Variants in DNM3 observed in about 807,000 individuals in gnomAD.
The protein encoded by DNM3 is dynamin-3.
A neutral mutation model predicts 101.6 loss-of-function variants in DNM3; 47 were observed. The ratio of observed to expected loss-of-function variants is 0.46; its 90% CI spans 0.37 to 0.59. The LOEUF (loss-of-function observed/expected upper bound fraction) is 0.59, where lower values mean the gene tolerates loss of function less well. Among genes scored for constraint, DNM3 ranks in the 20% least tolerant of loss-of-function variants. The pLI, the probability that DNM3 is intolerant of heterozygous loss-of-function variation, is 0.00. For missense variants in DNM3, 849 were observed against 1,085.7 expected (o/e 0.78, Z 3.06); for synonymous variants, 385 against 387.9 (o/e 0.99, Z 0.09).
chr1:172,062,824 A>G (rs2051346682), intron 10 of DNM3, among the ~76,000 whole-genome samples: 1 of 152,176 alleles, frequency 6.6e-6, no homozygotes, highest in African/African-American at 2.4e-5. Flanking sequence ...ACCTTTGTAA[A>G]TGTTTCTACA....
chr1:172,122,851 A>G (rs547730613), intron 13 of DNM3, among the ~76,000 whole-genome samples: 3 of 152,276 alleles, frequency 2.0e-5, no homozygotes, highest in Admixed American at 2.0e-4. Context: ...ACAAACATGG[A>G]TTTGTCAGTT....
intron 16 of DNM3, among the ~76,000 whole-genome samples, chr1:172,318,860 C>A (rs2065540232): frequency 6.6e-6 from 1 of 152,288 alleles, no homozygotes; most frequent in South Asian, 2.1e-4. Context: ...CTACCAATGA[C>A]TTTCTTCACA....
chr1:171,988,132 G>A (rs1415740414), intron 3 of DNM3, among the ~76,000 whole-genome samples: 1 of 152,050 alleles, frequency 6.6e-6, no homozygotes, highest in East Asian at 1.9e-4. Context: ...TACTATGGTT[G>A]CATCTTCCCC....
chr1:172,369,155 A>C (rs939388881), intron 17 of DNM3, among the ~76,000 whole-genome samples: 2 of 151,804 alleles, frequency 1.3e-5, no homozygotes, highest in African/African-American at 4.8e-5. Flanking sequence ...GCCAAACCAG[A>C]GAAGGATGCA....
At chr1:171,899,308 C>T (rs934411990) in intron 1 of DNM3, among the ~76,000 whole-genome samples, 6 of 152,200 alleles carry the variant, frequency 3.9e-5, no homozygotes, top group Non-Finnish European at 8.8e-5. Context: ...GAGATTTTTG[C>T]TAGTGTGCCA....
chr1:172,174,628 C>T (rs1286396153), intron 14 of DNM3, among the ~76,000 whole-genome samples: 2 of 151,574 alleles, frequency 1.3e-5, no homozygotes, highest in Admixed American at 1.3e-4. Flanking sequence ...TCTTTAATAT[C>T]ACTTGTTAAT....
At chr1:172,117,545 A>C (rs2056005105) in intron 13 of DNM3, among the ~76,000 whole-genome samples, 1 of 152,150 alleles carries the variant, frequency 6.6e-6, no homozygotes, top group African/African-American at 2.4e-5. Flanking sequence ...CCGTGTAAGA[A>C]GTGCCTTTCA....
At chr1:172,375,853 A>AG (rs1465129471) in intron 17 of DNM3, among the ~76,000 whole-genome samples, 87 of 151,456 alleles carry the variant, frequency 5.7e-4, no homozygotes, top group African/African-American at 2.0e-3. Flanking sequence ...TAAAAAAAAA[A>AG]AAAAGGCAAA....
At chr1:172,135,474 T>C (rs926284572) in intron 14 of DNM3, among the ~76,000 whole-genome samples, 16 of 152,186 alleles carry the variant, frequency 1.1e-4, no homozygotes, top group African/African-American at 3.9e-4. Flanking sequence ...ATTTTCATCA[T>C]TGAAGGTTAG....
chr1:171,863,076 A>G (rs2034347961), intron 1 of DNM3, among the ~76,000 whole-genome samples: 1 of 151,086 alleles, frequency 6.6e-6, no homozygotes, highest in African/African-American at 2.4e-5. Context: ...AATACATAAC[A>G]TTCAAAGGGG....
chr1:172,165,420 A>G (rs1191384225), intron 14 of DNM3, among the ~76,000 whole-genome samples: 1 of 152,124 alleles, frequency 6.6e-6, no homozygotes, highest in Non-Finnish European at 1.5e-5. Flanking sequence ...TTATGATACC[A>G]CACTGCTCAA....
At chr1:172,074,006 A>G (rs1171218267) in intron 11 of DNM3, among the ~76,000 whole-genome samples, 1 of 152,144 alleles carries the variant, frequency 6.6e-6, no homozygotes, top group Non-Finnish European at 1.5e-5. Context: ...GATTATAAGT[A>G]TCTTATATTT....
At chr1:172,366,128 G>A (rs2068004561) in intron 17 of DNM3, among the ~76,000 whole-genome samples, 2 of 151,776 alleles carry the variant, frequency 1.3e-5, no homozygotes, top group Admixed American at 6.6e-5. Flanking sequence ...TGCTACTTGG[G>A]AAGTTGAGGT....
At chr1:171,892,997 T>C (rs2037433173) in intron 1 of DNM3, among the ~76,000 whole-genome samples, 1 of 150,600 alleles carries the variant, frequency 6.6e-6, no homozygotes, top group South Asian at 2.1e-4. Flanking sequence ...TGTTGGTCTG[T>C]GGCGCAAGAG....
intron 17 of DNM3, among the ~76,000 whole-genome samples, chr1:172,326,496 T>C (rs2065942524): frequency 6.6e-6 from 1 of 152,120 alleles, no homozygotes; most frequent in Non-Finnish European, 1.5e-5. Context: ...GTTTCTTGAG[T>C]ACAAATGTAA....
At chr1:172,195,018 T>C (rs2059896217) in intron 14 of DNM3, among the ~76,000 whole-genome samples, 1 of 152,090 alleles carries the variant, frequency 6.6e-6, no homozygotes, top group Admixed American at 6.6e-5. Context: ...CCTTTCCATG[T>C]TTAGTGCTTC....
chr1:172,111,345 A>C (rs1009179848), intron 13 of DNM3, among the ~76,000 whole-genome samples: 2 of 152,226 alleles, frequency 1.3e-5, no homozygotes, highest in African/African-American at 4.8e-5. Context: ...CTAATCTGTG[A>C]TCTAGGGAAG....
chr1:172,206,410 T>C (rs549000507), intron 14 of DNM3, among the ~76,000 whole-genome samples: 1 of 152,304 alleles, frequency 6.6e-6, no homozygotes, highest in African/African-American at 2.4e-5. Context: ...AGAAATGTTT[T>C]ATGTCTACTT....
chr1:172,314,251 G>A (rs2586424), intron 16 of DNM3, among the ~76,000 whole-genome samples: 1,871 of 152,324 alleles, frequency 0.012, 28 homozygotes, highest in African/African-American at 0.043. Context: ...GGCACAGGGG[G>A]AGGAGCCAAG....
Sources: allele counts gnomAD v4.1 joint callset (sites outside exome capture counted in the v4.1 genomes callset), GRCh38; gene constraint gnomAD v4.1.1; transcripts MANE v1.5; gene names NCBI Gene and HGNC (gene_info 2026-07-23, HGNC 2026-07-21).